SPECC1: variants seen among roughly 807,000 people sequenced by gnomAD.
SPECC1 encodes sperm antigen with calponin homology and coiled-coil domains 1.
A neutral mutation model predicts 104.1 loss-of-function variants in SPECC1; 62 were observed. The observed-to-expected ratio is 0.60, with a 90% CI of 0.49 to 0.74. The LOEUF (loss-of-function observed/expected upper bound fraction) is 0.74, where lower values mean the gene tolerates loss of function less well. Among genes scored for constraint, SPECC1 ranks in the 30% least tolerant of loss-of-function variants. SPECC1 has a pLI of 0.00. For missense variants in SPECC1, 1,306 were observed against 1,310.5 expected (o/e 1.00, Z 0.05); for synonymous variants, 513 against 501.6 (o/e 1.02, Z -0.30).
intron 3 of SPECC1, among the ~76,000 whole-genome samples, chr17:20,169,935 T>C (rs2033957693): frequency 6.6e-6 from 1 of 152,232 alleles, no homozygotes; most frequent in Admixed American, 6.5e-5. Flanking sequence ...TTTATATGGC[T>C]CCAATCAGAT....
chr17:20,193,857 G>A (rs898342898), intron 3 of SPECC1, among the ~76,000 whole-genome samples: 1 of 152,202 alleles, frequency 6.6e-6, no homozygotes, highest in African/African-American at 2.4e-5. Flanking sequence ...TACTAATCCA[G>A]ATTTTTACAT....
chr17:20,100,955 G>A (rs1372040188), intron 2 of SPECC1, among the ~76,000 whole-genome samples: 1 of 152,112 alleles, frequency 6.6e-6, no homozygotes, highest in Admixed American at 6.5e-5. Flanking sequence ...TGAGAATGAT[G>A]GCTTCCAGCT....
At chr17:20,154,719 G>A (rs2032305675) in intron 3 of SPECC1, among the ~76,000 whole-genome samples, 1 of 152,234 alleles carries the variant, frequency 6.6e-6, no homozygotes, top group South Asian at 2.1e-4. Flanking sequence ...ACTATAAAGA[G>A]GCAAGGGCAG....
At chr17:20,127,407 C>A (rs1320844290) in intron 3 of SPECC1, among the ~76,000 whole-genome samples, 1 of 148,214 alleles carries the variant, frequency 6.7e-6, no homozygotes, top group African/African-American at 2.5e-5. Context: ...GAGAGGGATA[C>A]TACTGGAGAA....
At chr17:20,040,160 T>C (rs1347616274) in intron 1 of SPECC1, among the ~76,000 whole-genome samples, 1 of 152,002 alleles carries the variant, frequency 6.6e-6, no homozygotes, top group East Asian at 1.9e-4. Context: ...TGTATATATA[T>C]ATATACACAC....
At chr17:20,313,215 A>G (rs2041976539) in intron 14 of SPECC1, among the ~76,000 whole-genome samples, 1 of 152,240 alleles carries the variant, frequency 6.6e-6, no homozygotes, top group Admixed American at 6.5e-5. Flanking sequence ...CAAATTAGCA[A>G]AAGTAAAATA....
intron 1 of SPECC1, among the ~76,000 whole-genome samples, chr17:20,038,863 C>T (rs1597599800): frequency 6.6e-6 from 1 of 152,284 alleles, no homozygotes; most frequent in African/African-American, 2.4e-5. Context: ...CCTCCAGTTA[C>T]CTCTTTCTAG....
chr17:20,255,239 G>A (rs2039782673), intron 10 of SPECC1, among the ~76,000 whole-genome samples: 1 of 152,202 alleles, frequency 6.6e-6, no homozygotes, highest in African/African-American at 2.4e-5. Context: ...ACAGAGTTCA[G>A]TGGAGGTAGA....
At chr17:20,032,910 G>A (rs2152444059) in intron 1 of SPECC1, among the ~76,000 whole-genome samples, 1 of 150,458 alleles carries the variant, frequency 6.6e-6, no homozygotes, top group East Asian at 1.9e-4. Flanking sequence ...ATGTATATAT[G>A]TGTATGTGTA....
rs868803052 is a variant in SPECC1 at position 20,314,545 on chromosome 17, C to T, written c.*480C>T. The T allele has an allele frequency of 7.5e-5, 21 of 279,794 alleles. 1 individual carries two copies. The highest frequency in any genetic ancestry group is 2.9e-4 in the South Asian group (3 of 10,384). 17.3% of individuals were successfully genotyped at this position (279,794 alleles called of 1,614,324 possible). A position where few individuals can be genotyped will look rare whatever the true frequency, so the allele number is the denominator to read the frequency against. ...ATCCCAGCACTTTAGGAAGCCAAGG[C>T]AGTAGGATCGTTTGAGCCCAGGAGT... On this transcript the variant is annotated 3_prime_UTR_variant, in exon 15 of 15. Transcript: ENST00000395527.
intron 3 of SPECC1, among the ~76,000 whole-genome samples, chr17:20,133,636 T>C (rs1389697406): frequency 6.6e-6 from 1 of 152,192 alleles, no homozygotes; most frequent in African/African-American, 2.4e-5. Flanking sequence ...CCACCATGGC[T>C]CCTGTTGCAA....
chr17:20,262,273 C>T (rs1418449195), intron 12 of SPECC1, among the ~76,000 whole-genome samples: 5 of 152,140 alleles, frequency 3.3e-5, no homozygotes, highest in South Asian at 4.1e-4. Flanking sequence ...TGTTCTTGTG[C>T]GTATTTCCTG....
intron 7 of SPECC1, 152 bp downstream of exon 7, chr17:20,232,557 A>G: frequency 1.2e-6 from 1 of 828,116 alleles, no homozygotes; most frequent in Non-Finnish European, 1.9e-6. Flanking sequence ...ACCACTAGGA[A>G]CATTCTGTAC....
Position 20,205,132 on chromosome 17 carries a change from C to T in SPECC1, c.1083C>T (p.Ser361=). ...CAAAGTGTTCTACTGCTGGGAGTTC[C>T]CCAAACAGCGTAAGTGAATTGTCCC... ...KSSKCSTAGS[S]PNSVSELSLA... The change falls in exon 4 of 15, where the codon TCC becomes TCT. Residue 361 remains serine (S), a synonymous_variant. Coordinates refer to ENST00000395527, the MANE Select transcript of SPECC1 (RefSeq NM_001243439.2). The T allele has an allele frequency of 6.2e-7, 1 of 1,614,068 alleles. No homozygotes were observed. The highest frequency in any genetic ancestry group is 8.5e-7 in the Non-Finnish European group (1 of 1,180,020).
At chr17:20,102,468 C>CAA (rs2047988609) in intron 2 of SPECC1, among the ~76,000 whole-genome samples, 1 of 152,210 alleles carries the variant, frequency 6.6e-6, no homozygotes, top group Non-Finnish European at 1.5e-5. Flanking sequence ...CATACTTATC[C>CAA]TGTTGTCTGG....
At chr17:20,236,939 C>A in intron 7 of SPECC1, 1 of 1,612,788 alleles carries the variant, frequency 6.2e-7, no homozygotes, top group Non-Finnish European at 8.5e-7. Context: ...GAGCCGCAGC[C>A]ATCTCTAGAT....
chr17:20,314,002 C>T lies in SPECC1; in HGVS notation c.3144C>T (p.Asp1048=). Residue 1048 remains aspartate (D), a synonymous_variant, in exon 15 of 15, where the codon GAC becomes GAT. Coordinates refer to ENST00000395527, the MANE Select transcript of SPECC1 (RefSeq NM_001243439.2). The part of the protein sequence containing the change: ...SLELSEMLYT[D]RPDWQSVMQY... ...AACTCAGCGAGATGCTGTACACAGA[C>T]CGGCCCGACTGGCAGAGTGTGATGC... 1 of 1,614,174 alleles carries T rather than the reference C, an allele frequency of 6.2e-7. No individual in the cohort carries two copies. Among genetic ancestry groups the T allele is most frequent in the Non-Finnish European group, 8.5e-7 (1 of 1,180,024 alleles).
At chr17:20,102,728 TC>T (rs2048001292) in intron 2 of SPECC1, among the ~76,000 whole-genome samples, 2 of 152,178 alleles carry the variant, frequency 1.3e-5, no homozygotes, top group Non-Finnish European at 2.9e-5. Flanking sequence ...TCTATTGTAC[TC>T]TCTGGAATCC....
At chr17:20,037,412 A>G (rs548623286) in intron 1 of SPECC1, among the ~76,000 whole-genome samples, 1 of 151,944 alleles carries the variant, frequency 6.6e-6, no homozygotes, top group African/African-American at 2.4e-5. Context: ...CAGCCTCCCA[A>G]AGTGCTGAGA....
Sources: allele counts gnomAD v4.1 joint callset (sites outside exome capture counted in the v4.1 genomes callset), GRCh38; gene constraint gnomAD v4.1.1; transcripts MANE v1.5; gene names NCBI Gene and HGNC (gene_info 2026-07-23, HGNC 2026-07-21).